CDC25A: variants seen among roughly 807,000 people sequenced by gnomAD.
CDC25A encodes the protein cell division cycle 25A.
CDC25A carries 17 observed loss-of-function variants against 64.6 expected under a neutral mutation model. That is an observed-to-expected ratio of 0.26 (90% CI 0.18 to 0.39). The LOEUF (loss-of-function observed/expected upper bound fraction) is 0.39. CDC25A is among the 10% of genes least tolerant of loss of function. CDC25A has a pLI of 1.00. For synonymous variants in CDC25A, 229 were observed against 238.6 expected, an observed-to-expected ratio of 0.96 and a Z score of 0.37; for missense variants, 473 against 654.8, an observed-to-expected ratio of 0.72 and a Z score of 3.03.
chr3:48,165,952 T>A, intron 10 of CDC25A, 59 bp from the exon 11 acceptor site: 2 of 1,165,006 alleles, frequency 1.7e-6, no homozygotes, highest in Non-Finnish European at 2.6e-6. Context: ...TTCACACTTA[T>A]ACTGTTTTGT....
chr3:48,187,880 G>A lies in CDC25A; in HGVS notation c.68C>T (p.Ser23Leu). 6.5e-7 allele frequency: 1 copy of A among 1,546,894 alleles called. No homozygotes were observed. The highest frequency in any genetic ancestry group is 1.2e-5 in the South Asian group (1 of 83,940). The change falls in exon 1 of 15, where the codon TCG (serine) becomes TTG (leucine). Residue 23 changes from serine (S) to leucine (L), a missense_variant. Transcript: ENST00000302506. ...LLFACSPPPA[S>L]QPVVKALFGA... is the part of the protein sequence containing the mutation. ...AAATAGCGCCTTCACGACGGGCTGC[G>A]ACGCGGGAGGGGGGCTGCAGGCGAA...
intron 9 of CDC25A, among the ~76,000 whole-genome samples, chr3:48,168,360 C>CCACACA (rs58104019): frequency 0.061 from 6,493 of 106,508 alleles, 322 homozygotes; most frequent in East Asian, 0.11. Context: ...AAGACCCTGT[C>CCACACA]CACACACACA....
At chr3:48,186,592 A>G in intron 2 of CDC25A, 111 bp downstream of exon 2, 1 of 598,598 alleles carries the variant, frequency 1.7e-6, no homozygotes, top group Non-Finnish European at 3.0e-6. Flanking sequence ...AAAAAAGTTT[A>G]TCACCCAATG....
At chr3:48,186,542 C>T (rs1463399268) in intron 2 of CDC25A, among the ~76,000 whole-genome samples, 161 bp downstream of exon 2, 2 of 149,976 alleles carry the variant, frequency 1.3e-5, no homozygotes, top group Non-Finnish European at 3.0e-5. Flanking sequence ...GCACTCCAGC[C>T]TGGGCGACAA....
intron 13 of CDC25A, among the ~76,000 whole-genome samples, chr3:48,160,880 C>T (rs540330769): frequency 5.9e-5 from 9 of 152,044 alleles, no homozygotes; most frequent in Non-Finnish European, 8.8e-5. Flanking sequence ...TTTGGCTGGG[C>T]GCGGTGGCTC....
At chr3:48,159,210 G>A in intron 14 of CDC25A, 125 bp from the exon 15 acceptor site, 3 of 1,323,174 alleles carry the variant, frequency 2.3e-6, no homozygotes, top group Non-Finnish European at 2.1e-6. Context: ...GTTCTACAGG[G>A]GCTTTCTTTG....
chr3:48,171,619 T>TGGAA (rs1485104263), intron 9 of CDC25A, among the ~76,000 whole-genome samples: 1 of 151,952 alleles, frequency 6.6e-6, no homozygotes, highest in Non-Finnish European at 1.5e-5. Flanking sequence ...GACCTCGTGA[T>TGGAA]CCACCCGCCT....
intron 6 of CDC25A, among the ~76,000 whole-genome samples, chr3:48,178,311 T>C (rs1433933906): frequency 6.6e-6 from 1 of 152,174 alleles, no homozygotes; most frequent in Non-Finnish European, 1.5e-5. Flanking sequence ...CGATCAGCAT[T>C]GAGGACTGTG....
In CDC25A at chr3:48,187,870, G is replaced by T. The variant is rs376410886; in HGVS notation, c.78C>A (p.Val26=). 5.2e-6 allele frequency: 8 copies of T among 1,547,348 alleles called. No individual in the cohort carries two copies. The African/African-American group carries it at 9.7e-5, about 19-fold the overall frequency. ...CTGAAGCGCCAAATAGCGCCTTCACGACGGGCTGCGACGCGGGAGGGGGGC... is the reference window on the plus strand; with the variant it reads ...CTGAAGCGCCAAATAGCGCCTTCACTACGGGCTGCGACGCGGGAGGGGGGC... ...ACSPPPASQP[V]VKALFGASAA... Residue 26 remains valine, a synonymous_variant, in exon 1 of 15, where the codon GTC becomes GTA. Transcript: ENST00000302506.
At position 48,165,753 on chromosome 3, in the gene CDC25A, G is replaced by A. The variant is rs757083541; in HGVS notation, c.1093-19C>T. On this transcript the variant is annotated intron_variant, in intron 11 of 14. Transcript: ENST00000302506. Reference sequence around the variant, plus strand: ...ATGCCATCTGTTGAGAGAAAATTAGGGAGAATCAACTTTGACCGTCAGGGA... The same window carrying A: ...ATGCCATCTGTTGAGAGAAAATTAGAGAGAATCAACTTTGACCGTCAGGGA... 6.2e-7 allele frequency: 1 copy of A among 1,604,652 alleles called. No individual in the cohort carries two copies. Among genetic ancestry groups the A allele is most frequent in the South Asian group, 1.1e-5 (1 of 90,858 alleles).
intron 11 of CDC25A, 40 bp from the exon 12 acceptor site, chr3:48,165,774 AG>A: frequency 6.3e-7 from 1 of 1,590,164 alleles, no homozygotes; most frequent in Non-Finnish European, 8.6e-7. Flanking sequence ...TTTGACCGTC[AG>A]GGAAAACTAG....
At chr3:48,161,261 AG>A (rs1325322834) in intron 13 of CDC25A, 1 of 155,968 alleles carries the variant, frequency 6.4e-6, no homozygotes, top group African/African-American at 2.4e-5. Flanking sequence ...ACGAAGTGTA[AG>A]GGGTATCTGT....
chr3:48,177,199 G>C (rs1253968149), intron 8 of CDC25A, among the ~76,000 whole-genome samples, 172 bp downstream of exon 8: 1 of 152,186 alleles, frequency 6.6e-6, no homozygotes, highest in Non-Finnish European at 1.5e-5. Flanking sequence ...GAGACATGCA[G>C]AGAGATATCA....
chr3:48,181,757 T>G (rs2032677780), intron 5 of CDC25A: 3 of 711,398 alleles, frequency 4.2e-6, no homozygotes, highest in Non-Finnish European at 5.1e-6. Flanking sequence ...TGTTCACATT[T>G]TAAAGTTCTG....
chr3:48,158,088 C>A lies in CDC25A; in HGVS notation c.*857G>T, dbSNP rs2031593580. 1 of 150,668 alleles carries A rather than the reference C, an allele frequency of 6.6e-6. No individual in the cohort carries two copies. The highest frequency in any genetic ancestry group is 2.4e-5 in the African/African-American group (1 of 40,998). The allele number at this position is 150,668 out of a possible 1,614,324, so 9.3% of individuals were successfully genotyped here. On this transcript the variant is annotated 3_prime_UTR_variant, in exon 15 of 15. Coordinates refer to ENST00000302506, the MANE Select transcript of CDC25A (RefSeq NM_001789.3). ...CAACAGATGCTGCCTCAAGTGCTTTCCTGACTGTGGCTCCTATACCAGCCA... is the reference window on the plus strand; with the variant it reads ...CAACAGATGCTGCCTCAAGTGCTTTACTGACTGTGGCTCCTATACCAGCCA...
intron 13 of CDC25A, among the ~76,000 whole-genome samples, chr3:48,163,752 GTCC>G (rs2031888826): frequency 6.6e-6 from 1 of 152,194 alleles, no homozygotes; most frequent in Admixed American, 6.5e-5. Flanking sequence ...CTCTCTGCCT[GTCC>G]TCCTAGCATT....
In CDC25A at chr3:48,165,274, C is replaced by T. The variant is rs372362568; in HGVS notation, c.1191+362G>A. On this transcript the variant is annotated intron_variant, in intron 12 of 14. Transcript: ENST00000302506. ...GACATGTTGCCAGAGATGGTCTTCT[C>T]CTCATCAGGAGCCCTGGGGTGCTCA... 1.5e-3 allele frequency among the ~76,000 whole-genome samples: 229 copies of T among 152,180 alleles called. 6 individuals are homozygous for T. The South Asian group carries it at 0.046, about 31-fold the overall frequency.
intron 4 of CDC25A, 22 bp downstream of exon 4, chr3:48,183,778 A>T: frequency 6.6e-7 from 1 of 1,521,532 alleles, no homozygotes; most frequent in Non-Finnish European, 9.1e-7. Flanking sequence ...ATTAGCTCAA[A>T]ATAAACAAGG....
rs3731558 is a variant in CDC25A at position 48,159,184 on chromosome 3, C to G, written c.1435-99G>C. The G allele has an allele frequency of 2.7e-3, 3,933 of 1,466,256 alleles. 7 individuals are homozygous for G. The highest frequency in any genetic ancestry group is 3.1e-3 in the Non-Finnish European group (3,272 of 1,070,206). The allele number at this position is 1,466,256 out of a possible 1,614,324, so 90.8% of individuals were successfully genotyped here. A position where few individuals can be genotyped will look rare whatever the true frequency, so the allele number is the denominator to read the frequency against. ...GGCTACAAGGCTGAAAGCGGCCAGG[C>G]AGACCTAGGGAGCCAGTTCTACAGG... On this transcript the variant is annotated intron_variant, in intron 14 of 14. Transcript: ENST00000302506.
Sources: allele counts gnomAD v4.1 joint callset (sites outside exome capture counted in the v4.1 genomes callset), GRCh38; gene constraint gnomAD v4.1.1; transcripts MANE v1.5; gene names NCBI Gene and HGNC (gene_info 2026-07-23, HGNC 2026-07-21).